The following PRELID2 variants were observed in gnomAD, a reference collection of about 807,000 sequenced individuals.
PRELID2 encodes PRELI domain-containing protein 2.
In PRELID2, 25 loss-of-function variants were observed where a neutral mutation model predicts 28.4. The observed-to-expected ratio is 0.88, with a 90% CI of 0.64 to 1.23. The LOEUF (loss-of-function observed/expected upper bound fraction) is 1.23, where lower values mean the gene tolerates loss of function less well. Ranked by LOEUF, PRELID2 falls within the 50% of genes most tolerant of loss-of-function variation. The pLI is 0.00. For missense variants in PRELID2, 201 were observed against 214.4 expected (o/e 0.94, Z 0.39); for synonymous variants, 76 against 71.6 (o/e 1.06, Z -0.31).
At chr5:145,762,107 TG>T (rs1757503087) in intron 6 of PRELID2, among the ~76,000 whole-genome samples, 1 of 152,198 alleles carries the variant, frequency 6.6e-6, no homozygotes, top group South Asian at 2.1e-4. Context: ...CTGAGAAAAC[TG>T]GTCATGAATT....
chr5:145,363,222 A>G, the PRELID2 span, among the ~76,000 whole-genome samples: 1 of 152,062 alleles, frequency 6.6e-6, no homozygotes, highest in East Asian at 1.9e-4. Context: ...ATTGATAGCC[A>G]GTTATCATTG....
At chr5:145,591,737 C>G (rs1468080921) in intron 1 of PRELID2, among the ~76,000 whole-genome samples, 2 of 152,194 alleles carry the variant, frequency 1.3e-5, no homozygotes, top group Non-Finnish European at 2.9e-5. Context: ...CCAGGAAACC[C>G]ATTCTTTACC....
At chr5:145,772,183 C>T (rs369127044) in intron 5 of PRELID2, among the ~76,000 whole-genome samples, 3 of 152,070 alleles carry the variant, frequency 2.0e-5, no homozygotes, top group South Asian at 2.1e-4. Flanking sequence ...TTATTTTACC[C>T]TCCCATCTCC....
chr5:145,319,214 G>T, the PRELID2 span, among the ~76,000 whole-genome samples: 1 of 152,060 alleles, frequency 6.6e-6, no homozygotes, highest in African/African-American at 2.4e-5. Context: ...TGGGGCCTTT[G>T]CTGGGGAACC....
chr5:145,402,223 C>A, the PRELID2 span, among the ~76,000 whole-genome samples: 1 of 152,226 alleles, frequency 6.6e-6, no homozygotes, highest in African/African-American at 2.4e-5. Flanking sequence ...GATGCAGAGA[C>A]TTTTTCTCAA....
At chr5:145,463,561 G>A in the PRELID2 span, among the ~76,000 whole-genome samples, 1 of 152,080 alleles carries the variant, frequency 6.6e-6, no homozygotes, top group African/African-American at 2.4e-5. Context: ...TATGACCATT[G>A]TGTTCCCCTA....
chr5:145,503,442 C>T (rs1266533684), intron 1 of PRELID2, among the ~76,000 whole-genome samples: 1 of 152,096 alleles, frequency 6.6e-6, no homozygotes, highest in Non-Finnish European at 1.5e-5. Context: ...ACGTTTAAAA[C>T]AATAGTCATG....
At chr5:145,554,470 G>C (rs1055950791) in intron 1 of PRELID2, among the ~76,000 whole-genome samples, 2 of 152,212 alleles carry the variant, frequency 1.3e-5, no homozygotes, top group Non-Finnish European at 2.9e-5. Flanking sequence ...AGATGTGATA[G>C]AAGCTGCACT....
At chr5:145,709,493 C>T (rs1332004376) in intron 1 of PRELID2, among the ~76,000 whole-genome samples, 3 of 151,890 alleles carry the variant, frequency 2.0e-5, no homozygotes, top group Non-Finnish European at 4.4e-5. Flanking sequence ...CAAGACTGGC[C>T]TTCGCTAATC....
rs1301795473 is a variant in PRELID2, at chr5:145,700,874, C to T, written n.70+64057G>A. Among the ~76,000 whole-genome samples the T allele has an allele frequency of 2.6e-5, 4 of 152,192 alleles. 1 individual carries two copies. In the South Asian group the frequency reaches 8.3e-4, roughly 32 times the overall value. ...TGCATCTAACACCCAGGTGAGCAAG[C>T]CCCTCCATGGCCATACGGACCACAG... On this transcript the variant is annotated intron_variant and non_coding_transcript_variant, in intron 1 of 2. Coordinates refer to the PRELID2 transcript ENST00000510259.
intron 1 of PRELID2, among the ~76,000 whole-genome samples, chr5:145,717,187 T>C (rs1755867214): frequency 6.6e-6 from 1 of 152,180 alleles, no homozygotes; most frequent in South Asian, 2.1e-4. Context: ...TATTTTATTC[T>C]ATTTCTCTGA....
chr5:145,798,618 C>T (rs1398469041), intron 4 of PRELID2, among the ~76,000 whole-genome samples: 1 of 152,156 alleles, frequency 6.6e-6, no homozygotes, highest in Non-Finnish European at 1.5e-5. Context: ...GACCTGGAAC[C>T]AACCCAAATG....
At chr5:145,777,097 G>A (rs181357807) in intron 5 of PRELID2, among the ~76,000 whole-genome samples, 16 of 152,196 alleles carry the variant, frequency 1.1e-4, no homozygotes, top group Non-Finnish European at 1.9e-4. Context: ...TCTGATTCAC[G>A]TCTTATATGG....
chr5:145,834,014 G>A (rs1333157897), intron 1 of PRELID2, among the ~76,000 whole-genome samples: 2 of 152,116 alleles, frequency 1.3e-5, no homozygotes, highest in East Asian at 1.9e-4. Context: ...GGGCGCTTTC[G>A]ATTTTTCAAA....
At chr5:145,562,800 G>A (rs547282496) in intron 1 of PRELID2, among the ~76,000 whole-genome samples, 5 of 152,236 alleles carry the variant, frequency 3.3e-5, no homozygotes, top group Non-Finnish European at 7.4e-5. Context: ...AAAATGGAAG[G>A]AGAAGATGGG....
At chr5:145,720,820 G>A (rs910847892) in intron 1 of PRELID2, among the ~76,000 whole-genome samples, 8 of 151,986 alleles carry the variant, frequency 5.3e-5, no homozygotes, top group African/African-American at 1.9e-4. Flanking sequence ...AGGGGAATTG[G>A]AAAGGAGAAT....
chr5:145,494,524 A>T (rs1399100122), intron 1 of PRELID2, among the ~76,000 whole-genome samples: 2 of 152,210 alleles, frequency 1.3e-5, no homozygotes, highest in Non-Finnish European at 2.9e-5. Context: ...TGACAAGATC[A>T]CACATTTAAG....
chr5:145,394,368 G>A, the PRELID2 span, among the ~76,000 whole-genome samples: 1 of 148,258 alleles, frequency 6.7e-6, no homozygotes, highest in Admixed American at 6.8e-5. Context: ...TCACTCATAG[G>A]TGGGAATTGA....
At chr5:145,249,429 A>G in the PRELID2 span, among the ~76,000 whole-genome samples, 1 of 152,148 alleles carries the variant, frequency 6.6e-6, no homozygotes, top group South Asian at 2.1e-4. Context: ...ATTACCTTCT[A>G]AAATCCTCAG....
Sources: allele counts gnomAD v4.1 joint callset (sites outside exome capture counted in the v4.1 genomes callset), GRCh38; gene constraint gnomAD v4.1.1; transcripts MANE v1.5; gene names NCBI Gene and HGNC (gene_info 2026-07-23, HGNC 2026-07-21).